Variants in WNT3 observed in about 807,000 individuals in gnomAD.
WNT3 encodes Wnt family member 3, also known as proto-oncogene Wnt-3.
Under a neutral mutation model 34.2 loss-of-function variants are expected in WNT3, and 7 were observed. That is an observed-to-expected ratio of 0.20 (90% CI 0.12 to 0.38). WNT3 has a LOEUF of 0.38. Among genes scored for constraint, WNT3 ranks in the 10% least tolerant of loss-of-function variants. WNT3 has a pLI of 1.00. For missense variants in WNT3, 267 were observed against 499.8 expected (o/e 0.53, Z 4.44); for synonymous variants, 212 against 211.5 (o/e 1.00, Z -0.02).
chr17:46,788,263 T>C (rs2083932002), intron 1 of WNT3, among the ~76,000 whole-genome samples: 1 of 152,234 alleles, frequency 6.6e-6, no homozygotes, highest in African/African-American at 2.4e-5. Context: ...TTTGCATCTT[T>C]AGTTCATTTT....
At chr17:46,805,350 G>A (rs759824492) in intron 1 of WNT3, among the ~76,000 whole-genome samples, 4 of 152,080 alleles carry the variant, frequency 2.6e-5, no homozygotes, top group African/African-American at 9.7e-5. Context: ...AGGTGGGCGG[G>A]TCACCTGAGG....
At chr17:46,818,107 G>C (rs2084376513) in intron 1 of WNT3, among the ~76,000 whole-genome samples, 1 of 152,010 alleles carries the variant, frequency 6.6e-6, no homozygotes, top group East Asian at 1.9e-4. Context: ...TGAAGGAACA[G>C]GATGGTTTTG....
chr17:46,769,026 G>T (rs1474868274), intron 3 of WNT3, among the ~76,000 whole-genome samples: 1 of 152,156 alleles, frequency 6.6e-6, no homozygotes, highest in Non-Finnish European at 1.5e-5. Flanking sequence ...TTCTCACAGC[G>T]CATGAAATAC....
At chr17:46,773,383 A>G (rs1465439294) in intron 2 of WNT3, among the ~76,000 whole-genome samples, 1 of 151,988 alleles carries the variant, frequency 6.6e-6, no homozygotes, top group Non-Finnish European at 1.5e-5. Context: ...AAATGTCACA[A>G]ATGTCCACAG....
intron 1 of WNT3, among the ~76,000 whole-genome samples, chr17:46,789,961 C>A (rs879814632): frequency 3.9e-5 from 6 of 152,190 alleles, no homozygotes; most frequent in Non-Finnish European, 7.4e-5. Context: ...CTCATCCCCC[C>A]ACGGCGCTGA....
intron 2 of WNT3, among the ~76,000 whole-genome samples, chr17:46,771,049 G>A (rs2059362558): frequency 6.6e-6 from 1 of 152,322 alleles, no homozygotes; most frequent in Admixed American, 6.5e-5. Flanking sequence ...GAAGCCAGGC[G>A]CCCGCCTCCC....
intron 1 of WNT3, among the ~76,000 whole-genome samples, chr17:46,802,611 C>G (rs1259392268): frequency 6.6e-6 from 1 of 152,156 alleles, no homozygotes; most frequent in Non-Finnish European, 1.5e-5. Flanking sequence ...CAACCCCATC[C>G]TTTGGGAAGG....
At chr17:46,773,973 T>C (rs1317530932) in intron 1 of WNT3, 64 bp from the exon 2 acceptor site, 5 of 1,572,072 alleles carry the variant, frequency 3.2e-6, no homozygotes, top group East Asian at 2.3e-5. Flanking sequence ...CTGGGCACCA[T>C]GGCCGCTTTG....
intron 1 of WNT3, 126 bp downstream of exon 1, chr17:46,818,391 TG>T: frequency 1.4e-6 from 1 of 726,124 alleles, no homozygotes; most frequent in Non-Finnish European, 2.1e-6. Context: ...GGTGGGCGGG[TG>T]GGGGGCTGGA....
At chr17:46,779,103 A>ACACACACACACACCCCCCC (rs749719578) in intron 1 of WNT3, among the ~76,000 whole-genome samples, 5 of 133,586 alleles carry the variant, frequency 3.7e-5, no homozygotes, top group East Asian at 2.5e-4. Context: ...ACACACACAC[A>ACACACACACACACCCCCCC]CCCCAGCCCA....
At chr17:46,765,656 G>A (rs1218979789) in intron 4 of WNT3, among the ~76,000 whole-genome samples, 2 of 152,248 alleles carry the variant, frequency 1.3e-5, no homozygotes, top group African/African-American at 4.8e-5. Context: ...TTGCCTAGCG[G>A]AGTCTCGGCC....
At chr17:46,808,794 A>AC (rs1157664291) in intron 1 of WNT3, among the ~76,000 whole-genome samples, 1 of 152,166 alleles carries the variant, frequency 6.6e-6, no homozygotes, top group Non-Finnish European at 1.5e-5. Context: ...TACAAGTGGA[A>AC]CTGGGATTAA....
rs905329974 is a variant in WNT3, at chr17:46,766,230, G to A, written c.*9-1609C>T. Among the ~76,000 whole-genome samples the A allele has an allele frequency of 5.3e-5, 8 of 152,084 alleles. No homozygotes were observed. The South Asian group carries it at 1.0e-3, about 20-fold the overall frequency. On this transcript the variant is annotated intron_variant, in intron 4 of 4. Transcript: ENST00000225512. ...TCAAGACCAGCCTGGCCAGCATGGC[G>A]AAACCCGTCTCTACTAAAAATAAAA...
At chr17:46,794,668 A>G (rs1256351359) in intron 1 of WNT3, among the ~76,000 whole-genome samples, 1 of 151,930 alleles carries the variant, frequency 6.6e-6, no homozygotes, top group East Asian at 1.9e-4. Context: ...ATGCCTGGGA[A>G]TTCCCTCCTT....
intron 1 of WNT3, among the ~76,000 whole-genome samples, chr17:46,781,838 C>T (rs959480955): frequency 6.6e-6 from 1 of 152,234 alleles, no homozygotes; most frequent in Non-Finnish European, 1.5e-5. Flanking sequence ...CTAATTCCCT[C>T]TTCCTCTATA....
At chr17:46,800,279 T>C (rs1198117001) in intron 1 of WNT3, among the ~76,000 whole-genome samples, 2 of 151,936 alleles carry the variant, frequency 1.3e-5, no homozygotes, top group African/African-American at 2.4e-5. Context: ...CCCAGCTAAT[T>C]TTTGTATTTT....
At chr17:46,809,471 C>T (rs1199286980) in intron 1 of WNT3, among the ~76,000 whole-genome samples, 1 of 152,194 alleles carries the variant, frequency 6.6e-6, no homozygotes, top group African/African-American at 2.4e-5. Context: ...ATCCCCCTCC[C>T]CAACACACAC....
At chr17:46,818,426 G>A (rs2084381712) in intron 1 of WNT3, 92 bp downstream of exon 1, 1 of 1,299,346 alleles carries the variant, frequency 7.7e-7, no homozygotes, top group African/African-American at 1.5e-5. Context: ...AGGAGCCCCA[G>A]CCCTGCAGCG....
Position 46,768,853 on chromosome 17 carries a change from T to C in WNT3, c.589-54A>G. 1 of 1,589,396 alleles carries C rather than the reference T, an allele frequency of 6.3e-7. No homozygotes were observed. The highest frequency in any genetic ancestry group is 1.3e-5 in the African/African-American group (1 of 74,822). On this transcript the variant is annotated intron_variant, in intron 3 of 4. Coordinates refer to ENST00000225512, the MANE Select transcript of WNT3 (RefSeq NM_030753.5). The surrounding 1 kb of genome is among the most constrained non-coding windows in gnomAD (Gnocchi z 5.0). The stretch of plus-strand genomic sequence containing the variant: ...CAGACCGACCCCACGAGGGGGCACA[T>C]CCAGGCCTTCCCTCTCTGCCACTGC...
Sources: allele counts gnomAD v4.1 joint callset (sites outside exome capture counted in the v4.1 genomes callset), GRCh38; gene constraint gnomAD v4.1.1; non-coding constraint Gnocchi (gnomAD v3.1); transcripts MANE v1.5; gene names NCBI Gene and HGNC (gene_info 2026-07-23, HGNC 2026-07-21).